DPF3: variants seen among roughly 807,000 people sequenced by gnomAD.
DPF3 encodes zinc finger protein DPF3.
DPF3 carries 18 observed loss-of-function variants against 56.8 expected under a neutral mutation model. The observed-to-expected ratio is 0.32, with a 90% CI of 0.22 to 0.47. The LOEUF (loss-of-function observed/expected upper bound fraction) is 0.47. Ranked by LOEUF, DPF3 falls within the 20% of genes least tolerant of loss-of-function variation. The pLI is 1.00. For missense variants in DPF3, 403 were observed against 488.8 expected (o/e 0.82, Z 1.65); for synonymous variants, 188 against 180.2 (o/e 1.04, Z -0.35).
intron 8 of DPF3, among the ~76,000 whole-genome samples, chr14:72,645,039 A>G (rs1389593061): frequency 6.6e-6 from 1 of 152,242 alleles, no homozygotes; most frequent in Non-Finnish European, 1.5e-5. Flanking sequence ...GCATACAAGA[A>G]GAAACCAACT....
At chr14:72,830,930 C>T (rs2140051697) in intron 1 of DPF3, among the ~76,000 whole-genome samples, 2 of 152,314 alleles carry the variant, frequency 1.3e-5, no homozygotes, top group South Asian at 4.1e-4. Context: ...AAGCCTGGCG[C>T]ACCTCGGGCC....
chr14:72,870,219 G>T (rs1282303988), intron 1 of DPF3, among the ~76,000 whole-genome samples: 1 of 152,158 alleles, frequency 6.6e-6, no homozygotes. Flanking sequence ...GATGAGCAAG[G>T]TGCCTGTTAC....
chr14:72,631,814 T>C (rs934039679), intron 8 of DPF3, among the ~76,000 whole-genome samples: 2 of 152,154 alleles, frequency 1.3e-5, no homozygotes, highest in African/African-American at 4.8e-5. Flanking sequence ...ATTAGTGCCA[T>C]GAAGGAAAAG....
intron 3 of DPF3, among the ~76,000 whole-genome samples, chr14:72,736,400 T>C (rs1889896341): frequency 6.6e-6 from 1 of 152,188 alleles, no homozygotes; most frequent in African/African-American, 2.4e-5. Flanking sequence ...AAAAATAACA[T>C]TAACTATGAC....
In DPF3 at chr14:72,629,639, C is replaced by A; in HGVS notation, c.969G>T (p.Gly323=). 2 of 1,535,690 alleles carry A rather than the reference C, an allele frequency of 1.3e-6. No individual in the cohort carries two copies. Among genetic ancestry groups the A allele is most frequent in the Non-Finnish European group, 1.7e-6 (2 of 1,146,506 alleles). The change falls in exon 9 of 11, where the codon GGG becomes GGT. Residue 323 remains glycine, a synonymous_variant. Coordinates refer to ENST00000556509, the MANE Select transcript of DPF3 (RefSeq NM_001280542.3). ...CCAAACTCACATCATTCTCTGAGGT[C>A]CCACAGAGGATACAGGATTTGCACT... The part of the protein sequence containing the change: ...CIECKSCILC[G]TSENDDQLLF...
intron 3 of DPF3, among the ~76,000 whole-genome samples, chr14:72,752,523 A>G (rs910670028): frequency 6.6e-6 from 1 of 152,124 alleles, no homozygotes; most frequent in Non-Finnish European, 1.5e-5. Flanking sequence ...ATTAGCTGGG[A>G]GTGGTGGTGC....
intron 8 of DPF3, among the ~76,000 whole-genome samples, chr14:72,650,319 GA>G (rs1885870948): frequency 6.6e-6 from 1 of 152,212 alleles, no homozygotes; most frequent in Admixed American, 6.5e-5. Context: ...CGAGGATCTA[GA>G]AAGGCTGAAA....
intron 2 of DPF3, among the ~76,000 whole-genome samples, chr14:72,767,760 CAAAAAAAAA>C (rs372452441): frequency 2.8e-5 from 2 of 72,520 alleles, no homozygotes; most frequent in South Asian, 4.4e-4. Flanking sequence ...CCAAATTTGG[CAAAAAAAAA>C]AAAAAAAAAA....
Position 72,672,029 on chromosome 14 carries a change from CCACACACA to C in DPF3, c.871+2203_871+2210del, listed in dbSNP as rs368797206. Reference sequence around the variant, plus strand: ...CCACATACATGTGCACGTGTGCACACCACACACACACACACACACACACACACACAGAC... The same window carrying C: ...CCACATACATGTGCACGTGTGCACACCACACACACACACACACACACAGAC... On this transcript the variant is annotated intron_variant, in intron 8 of 10. Coordinates refer to ENST00000556509, the MANE Select transcript of DPF3 (RefSeq NM_001280542.3). Among the ~76,000 whole-genome samples the C allele has an allele frequency of 6.4e-4, 94 of 145,740 alleles. 1 individual carries two copies. Among genetic ancestry groups the C allele is most frequent in the Middle Eastern group, 6.8e-3 (2 of 294 alleles).
intron 1 of DPF3, among the ~76,000 whole-genome samples, chr14:72,861,026 TACACACACACACACACACACAC>T (rs10570653): frequency 2.7e-5 from 4 of 147,864 alleles, no homozygotes; most frequent in Non-Finnish European, 6.0e-5. Context: ...GTTCTCACTA[TACACACACACACACACACACAC>T]ACACACACAC....
At chr14:72,842,727 A>G (rs1409821993) in intron 1 of DPF3, among the ~76,000 whole-genome samples, 4 of 152,190 alleles carry the variant, frequency 2.6e-5, no homozygotes, top group Non-Finnish European at 4.4e-5. Flanking sequence ...ATGAACAAAA[A>G]TAAACATGAT....
intron 10 of DPF3, 146 bp downstream of exon 10, chr14:72,619,757 A>G: frequency 1.3e-6 from 1 of 797,858 alleles, no homozygotes. Flanking sequence ...CGTCGTACCT[A>G]CCTTGTGGGG....
chr14:72,804,833 G>A (rs569861472), intron 1 of DPF3, among the ~76,000 whole-genome samples: 2 of 152,272 alleles, frequency 1.3e-5, no homozygotes, highest in East Asian at 3.9e-4. Flanking sequence ...GTCCTGGGAG[G>A]TGTCATGGAA....
At chr14:72,852,303 G>A (rs762283641) in intron 1 of DPF3, among the ~76,000 whole-genome samples, 6 of 152,230 alleles carry the variant, frequency 3.9e-5, no homozygotes, top group Non-Finnish European at 8.8e-5. Context: ...ACCCAGCCGG[G>A]CACCAGAGTT....
At chr14:72,632,865 AG>A (rs1885249957) in intron 8 of DPF3, among the ~76,000 whole-genome samples, 1 of 83,216 alleles carries the variant, frequency 1.2e-5, no homozygotes, top group Non-Finnish European at 2.3e-5. Context: ...GGACAAGAGA[AG>A]GGGAGGGGAA....
intron 7 of DPF3, among the ~76,000 whole-genome samples, chr14:72,691,841 G>C (rs763221605): frequency 2.0e-5 from 3 of 152,098 alleles, no homozygotes; most frequent in Non-Finnish European, 4.4e-5. Context: ...GCAAGTCAAG[G>C]AGAGGAAACC....
chr14:72,683,460 A>G (rs984242957), intron 7 of DPF3, among the ~76,000 whole-genome samples: 1 of 7,294 alleles, frequency 1.4e-4, no homozygotes, highest in African/African-American at 1.4e-3. Flanking sequence ...AGCTTGAGAA[A>G]CATGGCTTTA....
At chr14:72,851,101 A>G (rs1414655050) in intron 1 of DPF3, among the ~76,000 whole-genome samples, 1 of 152,218 alleles carries the variant, frequency 6.6e-6, no homozygotes, top group Non-Finnish European at 1.5e-5. Context: ...ACCTGTGCTG[A>G]GAAACAAGTT....
rs886615623 is a variant in DPF3 at position 72,611,889 on chromosome 14, C to T, written c.*7408G>A. ...TCCTCAACAGAGAAACCTACATATA[C>T]TTACACCTTCCGTGATGGCGCGATA... On this transcript the variant is annotated 3_prime_UTR_variant, in exon 11 of 11. Transcript: ENST00000556509. Among the ~76,000 whole-genome samples, 5 of 152,126 alleles carry T rather than the reference C, an allele frequency of 3.3e-5. No individual in the cohort carries two copies. Among genetic ancestry groups the T allele is most frequent in the South Asian group, 2.1e-4 (1 of 4,822 alleles).
Sources: allele counts gnomAD v4.1 joint callset (sites outside exome capture counted in the v4.1 genomes callset), GRCh38; gene constraint gnomAD v4.1.1; transcripts MANE v1.5; gene names NCBI Gene and HGNC (gene_info 2026-07-23, HGNC 2026-07-21).